FAM222B: variants seen among roughly 807,000 people sequenced by gnomAD.
FAM222B encodes protein FAM222B.
FAM222B carries 12 observed loss-of-function variants against 38.0 expected under a neutral mutation model. The ratio of observed to expected loss-of-function variants is 0.32; its 90% CI spans 0.20 to 0.51. The LOEUF (loss-of-function observed/expected upper bound fraction) is 0.51, where lower values mean the gene tolerates loss of function less well. Ranked by LOEUF, FAM222B falls within the 20% of genes least tolerant of loss-of-function variation. The probability of loss-of-function intolerance (pLI) is 0.97; values close to 1 mark genes in which losing one functional copy is unlikely to be tolerated. For missense variants in FAM222B, 716 were observed against 754.2 expected, an observed-to-expected ratio of 0.95 and a Z score of 0.59; for synonymous variants, 329 against 317.2, an observed-to-expected ratio of 1.04 and a Z score of -0.40.
At chr17:28,778,242 C>T (rs1285144245) in intron 1 of FAM222B, among the ~76,000 whole-genome samples, 1 of 151,606 alleles carries the variant, frequency 6.6e-6, no homozygotes, top group Non-Finnish European at 1.5e-5. Flanking sequence ...TAATGCTCTC[C>T]CTCCCCTTAC....
Position 28,775,905 on chromosome 17 carries a change from CAAAAAA to C in FAM222B, c.-40-9204_-40-9199del, listed in dbSNP as rs528069638. 3.2e-3 allele frequency among the ~76,000 whole-genome samples: 478 copies of C among 147,238 alleles called. 9 individuals carry two copies. Among genetic ancestry groups the C allele is most frequent in the Non-Finnish European group, 2.0e-3 (136 of 66,476 alleles). ...CCAAAAAAAAAAACAAAAACAAAAA[CAAAAAA>C]ACAAAAAAAACAAAAAGAGCCGGGC... On this transcript the variant is annotated intron_variant, in intron 1 of 2. Coordinates refer to ENST00000581407, the MANE Select transcript of FAM222B (RefSeq NM_001077498.3).
chr17:28,805,029 G>C (rs866343437), intron 1 of FAM222B, among the ~76,000 whole-genome samples: 1 of 151,226 alleles, frequency 6.6e-6, no homozygotes. Context: ...CTGGGCGACA[G>C]AGCGAGACTC....
intron 1 of FAM222B, among the ~76,000 whole-genome samples, chr17:28,818,301 G>A (rs2038095491): frequency 6.6e-6 from 1 of 152,056 alleles, no homozygotes; most frequent in Non-Finnish European, 1.5e-5. Context: ...GGCCGAGGTG[G>A]GCGGATCACG....
intron 1 of FAM222B, among the ~76,000 whole-genome samples, chr17:28,803,560 G>C (rs1011435840): frequency 2.6e-5 from 4 of 152,050 alleles, no homozygotes; most frequent in African/African-American, 7.3e-5. Flanking sequence ...GTCTCCCAAA[G>C]TGTTGGGATT....
In FAM222B at chr17:28,759,254, G is replaced by C. The variant is rs777213113; in HGVS notation, c.705C>G (p.Asp235Glu). 4.3e-6 allele frequency: 7 copies of C among 1,613,552 alleles called. No individual in the cohort carries two copies. The highest frequency in any genetic ancestry group is 5.9e-6 in the Non-Finnish European group (7 of 1,179,792). The change falls in exon 3 of 3, where the codon GAC becomes GAG. Residue 235 changes from aspartate to glutamate, a missense_variant. Transcript: ENST00000581407. This position sits in a 1 kb window ranked among gnomAD's most constrained non-coding sequence, Gnocchi z 4.8. ...CGGTCACATTCGGGGGGGCATCTGA[G>C]TCTGGCATCTTCCGGCCTCCATGCA... ...PLLHGGRKMPDSDAPPNVTVS... is the reference protein window; with the variant it reads ...PLLHGGRKMPESDAPPNVTVS...
At chr17:28,832,005 C>A (rs1032538228) in intron 1 of FAM222B, among the ~76,000 whole-genome samples, 7 of 151,960 alleles carry the variant, frequency 4.6e-5, no homozygotes, top group Non-Finnish European at 4.4e-5. Flanking sequence ...CTGGCTAACA[C>A]GGTGAAACCC....
At chr17:28,764,123 G>GA (rs763266991) in intron 2 of FAM222B, among the ~76,000 whole-genome samples, 35 of 152,146 alleles carry the variant, frequency 2.3e-4, no homozygotes, top group Admixed American at 6.6e-4. Context: ...GATTAAGAAA[G>GA]AAAAAATTTC....
In FAM222B at chr17:28,756,779, C is replaced by T. The variant is rs1018456183; in HGVS notation, c.*1491G>A. ...TATAAGGCAACTTGCCAACACATAACTTAAAACTGGTCTTCAGTCACATTG... is the reference window on the plus strand; with the variant it reads ...TATAAGGCAACTTGCCAACACATAATTTAAAACTGGTCTTCAGTCACATTG... On this transcript the variant is annotated 3_prime_UTR_variant, in exon 3 of 3. Transcript: ENST00000581407. 5 of 151,550 alleles carry T rather than the reference C, an allele frequency of 3.3e-5. No individual in the cohort carries two copies. The highest frequency in any genetic ancestry group is 1.2e-4 in the African/African-American group (5 of 41,018). 9.4% of individuals were successfully genotyped at this position (151,550 alleles called of 1,614,324 possible).
At position 28,804,690 on chromosome 17, in the gene FAM222B, C is replaced by T. The variant is rs368758554; in HGVS notation, c.-40-37983G>A. ...AAAACAAACTGTCCCAAGGATACTA[C>T]ATTGAGCTGAATTTTTCTAGGTCCA... On this transcript the variant is annotated intron_variant, in intron 1 of 2. Transcript: ENST00000581407. 5.3e-4 allele frequency among the ~76,000 whole-genome samples: 81 copies of T among 152,182 alleles called. 1 individual carries two copies. The highest frequency in any genetic ancestry group is 1.8e-3 in the African/African-American group (76 of 41,510).
intron 1 of FAM222B, among the ~76,000 whole-genome samples, chr17:28,821,599 C>T (rs1012575461): frequency 1.3e-5 from 2 of 152,146 alleles, no homozygotes; most frequent in Non-Finnish European, 2.9e-5. Context: ...CTCATTCGCT[C>T]ACCAGTTACC....
intron 1 of FAM222B, among the ~76,000 whole-genome samples, chr17:28,783,560 T>TG (rs756524161): frequency 1.3e-5 from 2 of 151,960 alleles, no homozygotes; most frequent in African/African-American, 2.4e-5. Flanking sequence ...TCGCCCAGGC[T>TG]GGAGTGCAGT....
intron 1 of FAM222B, among the ~76,000 whole-genome samples, chr17:28,779,299 C>T (rs1359417503): frequency 6.6e-6 from 1 of 151,998 alleles, no homozygotes; most frequent in South Asian, 2.1e-4. Flanking sequence ...ACTAACAAAC[C>T]AAATTCAACA....
At chr17:28,844,442 G>A (rs2039126320), upstream of FAM222B, among the ~76,000 whole-genome samples, 1 of 151,094 alleles carries the variant, frequency 6.6e-6, no homozygotes, top group Non-Finnish European at 1.5e-5. Context: ...GGCGGATCAT[G>A]AGGTCAGGAG....
intron 1 of FAM222B, among the ~76,000 whole-genome samples, chr17:28,820,590 G>A (rs2038175424): frequency 6.6e-6 from 1 of 151,982 alleles, no homozygotes; most frequent in Non-Finnish European, 1.5e-5. Context: ...AGTACCATAA[G>A]GTGGAATTCA....
At chr17:28,797,172 T>G (rs2036982450) in intron 1 of FAM222B, among the ~76,000 whole-genome samples, 1 of 151,890 alleles carries the variant, frequency 6.6e-6, no homozygotes, top group Non-Finnish European at 1.5e-5. Context: ...CCAGCTAATT[T>G]TTGTATTTTT....
intron 1 of FAM222B, among the ~76,000 whole-genome samples, chr17:28,771,006 A>ATATATATT (rs2035605429): frequency 1.3e-5 from 2 of 148,662 alleles, no homozygotes; most frequent in African/African-American, 4.9e-5. Flanking sequence ...ATATATATAT[A>ATATATATT]TTTTTTCTTT....
chr17:28,850,606 G>C (rs1452551843), intron 1 of FAM222B, among the ~76,000 whole-genome samples: 2 of 152,066 alleles, frequency 1.3e-5, no homozygotes, highest in African/African-American at 2.4e-5. Flanking sequence ...CCGGCCACAT[G>C]AGTTTCTTTA....
intron 1 of FAM222B, among the ~76,000 whole-genome samples, chr17:28,828,996 C>G (rs1190623584): frequency 6.6e-6 from 1 of 152,116 alleles, no homozygotes; most frequent in African/African-American, 2.4e-5. Context: ...ACCTCCGACT[C>G]CCGGGTTCAA....
intron 1 of FAM222B, among the ~76,000 whole-genome samples, chr17:28,793,136 A>G (rs2036780101): frequency 6.6e-6 from 1 of 151,968 alleles, no homozygotes; most frequent in South Asian, 2.1e-4. Flanking sequence ...GGGTCTTACT[A>G]TGTTGCCCAG....
Sources: allele counts gnomAD v4.1 joint callset (sites outside exome capture counted in the v4.1 genomes callset), GRCh38; gene constraint gnomAD v4.1.1; non-coding constraint Gnocchi (gnomAD v3.1); transcripts MANE v1.5; gene names NCBI Gene and HGNC (gene_info 2026-07-23, HGNC 2026-07-21).